SIK3: variants seen among roughly 807,000 people sequenced by gnomAD.
SIK3 encodes serine/threonine-protein kinase SIK3.
In SIK3, 28 loss-of-function variants were observed where a neutral mutation model predicts 144.2. The ratio of observed to expected loss-of-function variants is 0.19; its 90% confidence interval spans 0.14 to 0.27. The LOEUF (loss-of-function observed/expected upper bound fraction) is 0.27. SIK3 is among the 10% of genes least tolerant of loss of function. SIK3 has a pLI of 1.00. For missense variants in SIK3, 1,319 were observed against 1,776.0 expected (o/e 0.74, Z 4.62); for synonymous variants, 686 against 676.3 (o/e 1.01, Z -0.22).
At chr11:117,048,284 A>G (rs1196736799) in intron 1 of SIK3, among the ~76,000 whole-genome samples, 1 of 152,202 alleles carries the variant, frequency 6.6e-6, no homozygotes, top group Non-Finnish European at 1.5e-5. Context: ...CATATTTTTG[A>G]CACTTAGATG....
At chr11:116,925,994 A>C (rs1312531772) in intron 4 of SIK3, among the ~76,000 whole-genome samples, 4 of 152,132 alleles carry the variant, frequency 2.6e-5, no homozygotes, top group African/African-American at 4.8e-5. Flanking sequence ...AGGATGTAAA[A>C]GTGAACAGGC....
chr11:116,902,563 T>C (rs1033595499), intron 4 of SIK3, among the ~76,000 whole-genome samples: 1 of 152,228 alleles, frequency 6.6e-6, no homozygotes, highest in African/African-American at 2.4e-5. Context: ...GCTTCCACTA[T>C]GTTACATCCA....
chr11:117,090,534 G>A (rs970996519), intron 1 of SIK3, among the ~76,000 whole-genome samples: 11 of 152,140 alleles, frequency 7.2e-5, no homozygotes, highest in Non-Finnish European at 1.5e-4. Context: ...AGTAAGTGAG[G>A]AGCCCATCTA....
rs527981030 is a variant in SIK3, at chr11:116,844,659, T to A, written c.*984A>T. The A allele has an allele frequency of 2.1e-5, 2 of 95,296 alleles. No homozygotes were observed. The highest frequency in any genetic ancestry group is 5.4e-4 in the East Asian group (2 of 3,722). The allele number at this position is 95,296 out of a possible 1,614,324, so 5.9% of individuals were successfully genotyped here. A position where few individuals can be genotyped will look rare whatever the true frequency, so the allele number is the denominator to read the frequency against. ...ATTATATTATATATTATATATATAA[T>A]ATATATATACACATATATTATATTA... On this transcript the variant is annotated 3_prime_UTR_variant, in exon 25 of 25. Transcript: ENST00000445177.
intron 1 of SIK3, among the ~76,000 whole-genome samples, chr11:117,079,247 G>T (rs1954681329): frequency 6.6e-6 from 1 of 152,158 alleles, no homozygotes; most frequent in Non-Finnish European, 1.5e-5. Context: ...CAGTATCAAA[G>T]CAAGAAAAGA....
In SIK3 at chr11:116,857,932, G is replaced by A; in HGVS notation, c.3533C>T (p.Thr1178Ile). The A allele has an allele frequency of 6.2e-7, 1 of 1,614,216 alleles. No individual in the cohort carries two copies. Residue 1178 changes from threonine to isoleucine, a missense_variant, in exon 21 of 25, where the codon ACC (threonine) becomes ATC (isoleucine). By Grantham distance (89) the Thr-to-Ile change is moderately conservative. Transcript: ENST00000445177. ...GCHDSPLLLSTGGPGDPESLL... is the reference protein window; with the variant it reads ...GCHDSPLLLSIGGPGDPESLL... ...AGATTCAGGGTCCCCAGGTCCACCG[G>A]TACTCAAGAGCAGAGGGCTGTCATG...
intron 3 of SIK3, among the ~76,000 whole-genome samples, chr11:116,945,900 T>G (rs966086655): frequency 3.9e-5 from 6 of 152,204 alleles, no homozygotes; most frequent in Admixed American, 1.3e-4. Context: ...TCCATGCTGA[T>G]CCAGGTCTCT....
At chr11:117,045,320 C>T (rs1286646346) in intron 1 of SIK3, among the ~76,000 whole-genome samples, 1 of 152,196 alleles carries the variant, frequency 6.6e-6, no homozygotes, top group African/African-American at 2.4e-5. Flanking sequence ...TATTCTTGTA[C>T]TACAAGAGTA....
At chr11:116,888,805 G>C (rs1485897222) in intron 6 of SIK3, among the ~76,000 whole-genome samples, 1 of 152,210 alleles carries the variant, frequency 6.6e-6, no homozygotes, top group Non-Finnish European at 1.5e-5. Flanking sequence ...GAGTCTTGAA[G>C]CTTTCAGGTT....
intron 1 of SIK3, among the ~76,000 whole-genome samples, chr11:116,976,632 G>C (rs1028362272): frequency 4.6e-5 from 7 of 152,200 alleles, no homozygotes; most frequent in Non-Finnish European, 1.0e-4. Context: ...TGACATTCCA[G>C]ATATTGATAG....
chr11:116,940,354 C>T (rs1467239749), intron 3 of SIK3, among the ~76,000 whole-genome samples: 1 of 151,712 alleles, frequency 6.6e-6, no homozygotes, highest in African/African-American at 2.4e-5. Context: ...CTCAGCCTCC[C>T]GAGTAGGTGG....
At position 116,874,013 on chromosome 11, in the gene SIK3, G is replaced by A; in HGVS notation, c.1471C>T (p.Pro491Ser). Reference sequence around the variant, plus strand: ...AATGGAGCCTGGGGGTTGACTCCAGGAAAGCCAGGTAGGAGCTTCTGCAGA... The same window carrying A: ...AATGGAGCCTGGGGGTTGACTCCAGAAAAGCCAGGTAGGAGCTTCTGCAGA... ...EDLQKLLPGFPGVNPQAPFLQ... is the reference protein window; with the variant it reads ...EDLQKLLPGFSGVNPQAPFLQ... The change falls in exon 12 of 25, where the codon CCT (proline) becomes TCT (serine). Residue 491 changes from proline to serine, a missense_variant. Physicochemically the swap from Pro to Ser is moderately conservative, Grantham distance 74. Coordinates refer to ENST00000445177, the MANE Select transcript of SIK3 (RefSeq NM_001366686.3). 6.2e-7 allele frequency: 1 copy of A among 1,614,132 alleles called. No individual in the cohort carries two copies.
chr11:117,011,327 A>G (rs1951244382), intron 1 of SIK3, among the ~76,000 whole-genome samples: 1 of 152,154 alleles, frequency 6.6e-6, no homozygotes, highest in Admixed American at 6.5e-5. Flanking sequence ...GGGGTAATAA[A>G]AAGAAAGGCA....
chr11:116,874,653 C>CTTAT (rs1170482801), intron 11 of SIK3, among the ~76,000 whole-genome samples: 1 of 152,146 alleles, frequency 6.6e-6, no homozygotes, highest in African/African-American at 2.4e-5. Flanking sequence ...GAACAAGAGA[C>CTTAT]ATAAAGCAAG....
intron 1 of SIK3, among the ~76,000 whole-genome samples, chr11:117,040,095 G>A (rs1952675057): frequency 6.6e-6 from 1 of 152,152 alleles, no homozygotes; most frequent in South Asian, 2.1e-4. Context: ...TTGAAAAGGG[G>A]AAAAGAAAGT....
chr11:116,852,315 G>A (rs1028961550), intron 21 of SIK3, among the ~76,000 whole-genome samples: 3 of 152,082 alleles, frequency 2.0e-5, no homozygotes, highest in Non-Finnish European at 4.4e-5. Flanking sequence ...TGTCTTCCCC[G>A]CCTTCAGGTC....
intron 1 of SIK3, among the ~76,000 whole-genome samples, chr11:117,001,549 T>C (rs1202371872): frequency 6.6e-6 from 1 of 150,960 alleles, no homozygotes; most frequent in African/African-American, 2.4e-5. Flanking sequence ...CTGGGCACAG[T>C]GGCTCACGTC....
intron 1 of SIK3, among the ~76,000 whole-genome samples, chr11:117,007,519 TGAAG>T (rs1294178465): frequency 6.6e-6 from 1 of 152,008 alleles, no homozygotes; most frequent in Non-Finnish European, 1.5e-5. Context: ...ATGATAGAGG[TGAAG>T]GAAGGGAGAG....
chr11:116,917,427 A>T (rs1946704251), intron 4 of SIK3, among the ~76,000 whole-genome samples: 1 of 152,198 alleles, frequency 6.6e-6, no homozygotes, highest in African/African-American at 2.4e-5. Context: ...TACAGGTAAG[A>T]GGCTGGGCAC....
Sources: allele counts gnomAD v4.1 joint callset (sites outside exome capture counted in the v4.1 genomes callset), GRCh38; gene constraint gnomAD v4.1.1; transcripts MANE v1.5; gene names NCBI Gene and HGNC (gene_info 2026-07-23, HGNC 2026-07-21).